Variants in NOTCH2NLB observed in about 807,000 individuals in gnomAD.
NOTCH2NLB encodes the protein notch homolog 2 N-terminal-like protein B.
Under a neutral mutation model 14.8 loss-of-function variants are expected in NOTCH2NLB, and 1 was observed. That is an observed-to-expected ratio of 0.07 (90% CI 0.02 to 0.32). The LOEUF is 0.32. Among genes scored for constraint, NOTCH2NLB ranks in the 10% least tolerant of loss-of-function variants. The probability of loss-of-function intolerance (pLI) is 1.00; values close to 1 mark genes in which losing one functional copy is unlikely to be tolerated. For missense variants in NOTCH2NLB, 11 were observed against 155.0 expected (o/e 0.07, Z 4.93); for synonymous variants, 6 against 57.5 (o/e 0.10, Z 4.05).
chr1:148,680,677 A>G (rs1664920474), upstream of NOTCH2NLB, among the ~76,000 whole-genome samples: 1 of 143,678 alleles, frequency 7.0e-6, no homozygotes, highest in African/African-American at 2.5e-5. Context: ...GATAAATCTT[A>G]AAAACTAAAT....
intron 2 of NOTCH2NLB, among the ~76,000 whole-genome samples, chr1:148,637,897 C>T (rs1301372979): frequency 2.7e-5 from 4 of 148,576 alleles, no homozygotes; most frequent in African/African-American, 1.0e-4. Context: ...CCAGTTTCAT[C>T]CATGTCCCTG....
At chr1:148,602,160 TGA>T (rs1317941613), downstream of NOTCH2NLB, among the ~76,000 whole-genome samples, 1 of 115,998 alleles carries the variant, frequency 8.6e-6, no homozygotes, top group Non-Finnish European at 1.8e-5. Context: ...CTTGGAAGGC[TGA>T]GACATGAGAA....
the NOTCH2NLB span, among the ~76,000 whole-genome samples, chr1:148,693,095 C>A: frequency 2.4e-4 from 28 of 117,502 alleles, no homozygotes; most frequent in Non-Finnish European, 4.0e-4. Flanking sequence ...GCCGCCCCCC[C>A]CCCCCCACCA....
chr1:148,645,920 G>A (rs1354870807), intron 1 of NOTCH2NLB, among the ~76,000 whole-genome samples: 1 of 150,468 alleles, frequency 6.6e-6, no homozygotes, highest in African/African-American at 2.4e-5. Context: ...AAGCATGGAT[G>A]CAGAAATCAG....
the NOTCH2NLB span, among the ~76,000 whole-genome samples, chr1:148,704,326 T>G: frequency 1.6e-5 from 1 of 61,858 alleles, no homozygotes; most frequent in African/African-American, 1.0e-4. Context: ...TTTTTTTTTG[T>G]TTGCAGTCAA....
chr1:148,637,983 A>G (rs1664251217), intron 2 of NOTCH2NLB, among the ~76,000 whole-genome samples: 1 of 147,530 alleles, frequency 6.8e-6, no homozygotes, highest in Non-Finnish European at 1.5e-5. Context: ...TTCTTTATCC[A>G]GTCTATCACC....
chr1:148,661,626 A>C (rs1209280131), intron 1 of NOTCH2NLB, among the ~76,000 whole-genome samples: 1 of 150,022 alleles, frequency 6.7e-6, no homozygotes, highest in African/African-American at 2.4e-5. Flanking sequence ...AGAATGGTGA[A>C]TCTCAGCTCT....
chr1:148,601,179 T>C, the NOTCH2NLB span, among the ~76,000 whole-genome samples: 2 of 150,496 alleles, frequency 1.3e-5, no homozygotes, highest in South Asian at 4.2e-4. Flanking sequence ...TTCAACAATG[T>C]AAAATACAAA....
chr1:148,680,869 T>G (rs1249459735), upstream of NOTCH2NLB, among the ~76,000 whole-genome samples: 2 of 152,116 alleles, frequency 1.3e-5, no homozygotes, highest in South Asian at 2.1e-4. Flanking sequence ...TGGGTACAAG[T>G]GGGCTTCTAA....
At position 148,610,301 on chromosome 1, in the gene NOTCH2NLB, GAGAGAGAA is replaced by G. The variant is rs1381328851; in HGVS notation, c.338-2564_338-2557del. On this transcript the variant is annotated intron_variant, in intron 3 of 4. Coordinates refer to ENST00000593495, the Ensembl canonical transcript of NOTCH2NLB. ...AGAAAGACAGAAAGAGAGAGGGAAA[GAGAGAGAA>G]AGAGAGAAAGAGAGAGAAAGAAAGA... Among the ~76,000 whole-genome samples the G allele has an allele frequency of 1.5e-3, 149 of 96,620 alleles. 5 individuals carry two copies. Among genetic ancestry groups the G allele is most frequent in the Non-Finnish European group, 2.7e-3 (129 of 48,588 alleles). 63.4% of individuals were successfully genotyped at this position (96,620 alleles called of 152,430 possible). A position where few individuals can be genotyped will look rare whatever the true frequency, so the allele number is the denominator to read the frequency against.
At chr1:148,648,572 A>G (rs1664421683) in intron 1 of NOTCH2NLB, among the ~76,000 whole-genome samples, 1 of 115,886 alleles carries the variant, frequency 8.6e-6, no homozygotes, top group Admixed American at 8.7e-5. Flanking sequence ...TATCCTAGGT[A>G]GATGTATTAT....
chr1:148,679,441 G>A, intron 1 of NOTCH2NLB, 21 bp downstream of exon 1: 1 of 1,007,372 alleles, frequency 9.9e-7, no homozygotes, highest in Non-Finnish European at 1.3e-6. Context: ...CGCGGACAGC[G>A]CCCCTCAGCC....
At chr1:148,658,534 G>C (rs1274882601) in intron 1 of NOTCH2NLB, among the ~76,000 whole-genome samples, 1 of 88,976 alleles carries the variant, frequency 1.1e-5, no homozygotes, top group Non-Finnish European at 2.2e-5. Context: ...TTTGCAATTA[G>C]ACAGGCCCAA....
chr1:148,654,734 C>G (rs1664518653), intron 1 of NOTCH2NLB, among the ~76,000 whole-genome samples: 1 of 95,902 alleles, frequency 1.0e-5, no homozygotes, highest in South Asian at 4.4e-4. Flanking sequence ...AAACGTGGAT[C>G]TTGAAATGGG....
chr1:148,651,059 C>T (rs1427080527), intron 1 of NOTCH2NLB, among the ~76,000 whole-genome samples: 1 of 119,128 alleles, frequency 8.4e-6, no homozygotes, highest in Non-Finnish European at 1.7e-5. Context: ...AGGAGAATGG[C>T]ATGAACCCGG....
At chr1:148,670,516 T>C (rs1664741224) in intron 1 of NOTCH2NLB, among the ~76,000 whole-genome samples, 1 of 126,034 alleles carries the variant, frequency 7.9e-6, no homozygotes, top group South Asian at 2.7e-4. Flanking sequence ...TATATGTAGA[T>C]CTGTTCATAA....
intron 2 of NOTCH2NLB, among the ~76,000 whole-genome samples, chr1:148,621,624 A>G (rs1663875303): frequency 8.0e-6 from 1 of 125,694 alleles, no homozygotes; most frequent in African/African-American, 3.3e-5. Flanking sequence ...TGATACATAA[A>G]TTATGTCTTA....
intron 2 of NOTCH2NLB, among the ~76,000 whole-genome samples, chr1:148,625,364 CGAG>C (rs1663958247): frequency 1.3e-5 from 1 of 78,490 alleles, no homozygotes; most frequent in Non-Finnish European, 2.3e-5. Context: ...TTTTTTAAAA[CGAG>C]GATTTGGCCA....
intron 2 of NOTCH2NLB, among the ~76,000 whole-genome samples, chr1:148,637,994 G>A (rs1354155653): frequency 1.0e-4 from 15 of 147,628 alleles, no homozygotes; most frequent in East Asian, 1.9e-4. Flanking sequence ...GTCTATCACC[G>A]TTGGGCATTT....
Sources: allele counts gnomAD v4.1 joint callset (sites outside exome capture counted in the v4.1 genomes callset), GRCh38; gene constraint gnomAD v4.1.1; transcripts MANE v1.5; gene names NCBI Gene and HGNC (gene_info 2026-07-23, HGNC 2026-07-21).